LAMC2: variants seen among roughly 807,000 people sequenced by gnomAD.
LAMC2 encodes laminin subunit gamma 2.
In LAMC2, 97 loss-of-function variants were observed where a neutral mutation model predicts 140.2. The observed-to-expected ratio is 0.69, with a 90% CI of 0.59 to 0.82. LAMC2 has a LOEUF of 0.82. Ranked by LOEUF, LAMC2 falls within the 40% of genes least tolerant of loss-of-function variation. LAMC2 has a pLI of 0.00. For missense variants in LAMC2, 1,402 were observed against 1,476.1 expected (o/e 0.95, Z 0.82); for synonymous variants, 513 against 540.2 (o/e 0.95, Z 0.70).
downstream of LAMC2, chr1:183,250,071 G>C (rs992962949): frequency 3.3e-5 from 5 of 152,192 alleles, no homozygotes; most frequent in African/African-American, 9.7e-5. Flanking sequence ...GCCTTCCTCA[G>C]GTCTGCTCAC....
intron 11 of LAMC2, among the ~76,000 whole-genome samples, chr1:183,229,734 G>T (rs1193320309): frequency 1.3e-5 from 2 of 151,590 alleles, no homozygotes; most frequent in African/African-American, 4.9e-5. Flanking sequence ...GGAGCTCACA[G>T]CCTCCCACTC....
intron 1 of LAMC2, among the ~76,000 whole-genome samples, chr1:183,187,306 C>G (rs1658183998): frequency 6.6e-6 from 1 of 152,222 alleles, no homozygotes; most frequent in Non-Finnish European, 1.5e-5. Context: ...CATGCACATG[C>G]AATTGTATAA....
Position 183,228,708 on chromosome 1 carries a change from A to C in LAMC2, c.1714+89A>C, listed in dbSNP as rs1244658456. 3 of 1,544,884 alleles carry C rather than the reference A, an allele frequency of 1.9e-6. No homozygotes were observed. The highest frequency in any genetic ancestry group is 2.7e-6 in the Non-Finnish European group (3 of 1,127,896). ...ATCTAAGCAGGGACAATGGCAGTTC[A>C]TATCATGATGTTACTTTGATTCTCT... On this transcript the variant is annotated intron_variant, in intron 11 of 22. Coordinates refer to ENST00000264144, the MANE Select transcript of LAMC2 (RefSeq NM_005562.3). The surrounding 1 kb of genome is among the most constrained non-coding windows in gnomAD (Gnocchi z 4.3).
intron 1 of LAMC2, among the ~76,000 whole-genome samples, chr1:183,188,188 A>G (rs1343971553): frequency 6.6e-6 from 1 of 152,162 alleles, no homozygotes; most frequent in African/African-American, 2.4e-5. Context: ...AGGCAGACTA[A>G]GGTTTTATTC....
intron 1 of LAMC2, among the ~76,000 whole-genome samples, chr1:183,206,218 G>A (rs189811730): frequency 2.6e-5 from 4 of 152,302 alleles, no homozygotes; most frequent in Admixed American, 1.3e-4. Flanking sequence ...CTGAGCTGTC[G>A]AATGTAAAGT....
chr1:183,201,397 A>G (rs938127106), intron 1 of LAMC2, among the ~76,000 whole-genome samples: 2 of 152,120 alleles, frequency 1.3e-5, no homozygotes, highest in African/African-American at 4.8e-5. Context: ...GCTCTAGAAT[A>G]TACTGAGCTT....
the LAMC2 span, among the ~76,000 whole-genome samples, chr1:183,258,917 C>T: frequency 7.2e-5 from 11 of 152,278 alleles, no homozygotes; most frequent in South Asian, 1.2e-3. Flanking sequence ...ACTCTGCTCC[C>T]GAAATGCTCA....
In LAMC2 at chr1:183,243,437, A is replaced by G. The variant is rs760937395; in HGVS notation, c.*37A>G. On this transcript the variant is annotated 3_prime_UTR_variant, in exon 23 of 23. Transcript: ENST00000264144. Reference sequence around the variant, plus strand: ...ATATTTCTCAACTGAGGTTCTTGGGATACAGATCTCAGGGCTCGGGAGCCA... The same window carrying G: ...ATATTTCTCAACTGAGGTTCTTGGGGTACAGATCTCAGGGCTCGGGAGCCA... The G allele has an allele frequency of 3.7e-6, 6 of 1,613,890 alleles. No individual in the cohort carries two copies. In the African/African-American group the frequency reaches 8.0e-5, roughly 22 times the overall value.
Position 183,226,921 on chromosome 1 carries a change from G to A in LAMC2, c.1285+5G>A. The A allele has an allele frequency of 1.2e-6, 2 of 1,609,842 alleles. No individual in the cohort carries two copies. Among genetic ancestry groups the A allele is most frequent in the Non-Finnish European group, 1.7e-6 (2 of 1,176,446 alleles). The stretch of plus-strand genomic sequence containing the variant: ...GGGCCTGTGATCCAGACACAGGTGA[G>A]TGAAATGACACCTGGACCAGGTGGC... On this transcript the variant is annotated splice_donor_5th_base_variant and intron_variant, in intron 9 of 22. Coordinates refer to ENST00000264144, the MANE Select transcript of LAMC2 (RefSeq NM_005562.3).
the LAMC2 span, among the ~76,000 whole-genome samples, chr1:183,257,719 A>T: frequency 6.6e-6 from 1 of 151,740 alleles, no homozygotes; most frequent in Non-Finnish European, 1.5e-5. Flanking sequence ...TATAATGTCT[A>T]CACTTTCATT....
At position 183,244,262 on chromosome 1, in the gene LAMC2, C is replaced by T. The variant is rs1660196931; in HGVS notation, c.*862C>T. ...CTAATTCAATCCTACTTTTCGAACA[C>T]CAAAAATGATGCGCATCAATGTATT... On this transcript the variant is annotated 3_prime_UTR_variant, in exon 23 of 23. Transcript: ENST00000264144. 6.6e-6 allele frequency: 1 copy of T among 152,124 alleles called. No individual in the cohort carries two copies. Among genetic ancestry groups the T allele is most frequent in the South Asian group, 2.1e-4 (1 of 4,818 alleles). The allele number at this position is 152,124 out of a possible 1,614,324, so 9.4% of individuals were successfully genotyped here. A position where few individuals can be genotyped will look rare whatever the true frequency, so the allele number is the denominator to read the frequency against.
In LAMC2 at chr1:183,231,156, T is replaced by G. The variant is rs765380261; in HGVS notation, c.1857+53T>G. 2.5e-6 allele frequency: 4 copies of G among 1,606,058 alleles called. No individual in the cohort carries two copies. In the East Asian group the frequency reaches 8.9e-5, roughly 36 times the overall value. ...AACCCCACAGAATCAAATCCTTAAG[T>G]GTCCACTGGGTGGTTCTGTCACAGA... On this transcript the variant is annotated intron_variant, in intron 12 of 22. Coordinates refer to ENST00000264144, the MANE Select transcript of LAMC2 (RefSeq NM_005562.3).
At chr1:183,218,542 C>A in intron 4 of LAMC2, 54 bp downstream of exon 4, 3 of 1,274,798 alleles carry the variant, frequency 2.4e-6, no homozygotes, top group South Asian at 2.5e-5. Context: ...TGCCAACTAG[C>A]ATGAGAATTA....
chr1:183,197,499 AC>A (rs1250121379), intron 1 of LAMC2, among the ~76,000 whole-genome samples: 2 of 152,186 alleles, frequency 1.3e-5, no homozygotes, highest in East Asian at 3.9e-4. Context: ...ACAAGGTGAA[AC>A]CCTGTCTCTA....
At chr1:183,218,579 G>T (rs1234650664) in intron 4 of LAMC2, 91 bp downstream of exon 4, 2 of 1,011,372 alleles carry the variant, frequency 2.0e-6, no homozygotes, top group African/African-American at 3.2e-5. Flanking sequence ...TATGGAAAAG[G>T]GATACTTGAC....
At position 183,243,423 on chromosome 1, in the gene LAMC2, C is replaced by T. The variant is rs761535761; in HGVS notation, c.*23C>T. The T allele has an allele frequency of 6.2e-7, 1 of 1,614,072 alleles. No individual in the cohort carries two copies. The highest frequency in any genetic ancestry group is 8.5e-7 in the Non-Finnish European group (1 of 1,180,026). ...TGAAGCTGCCATAAATATTTCTCAA[C>T]TGAGGTTCTTGGGATACAGATCTCA... On this transcript the variant is annotated 3_prime_UTR_variant, in exon 23 of 23. Transcript: ENST00000264144.
At chr1:183,223,891 A>T (rs1292828999) in intron 7 of LAMC2, among the ~76,000 whole-genome samples, 2 of 152,084 alleles carry the variant, frequency 1.3e-5, no homozygotes, top group Non-Finnish European at 2.9e-5. Flanking sequence ...TATCCTGCAG[A>T]ATAGGGATTC....
chr1:183,230,834 G>A (rs187150055), intron 11 of LAMC2, 127 bp from the exon 12 acceptor site: 1 of 1,054,826 alleles, frequency 9.5e-7, no homozygotes, highest in South Asian at 1.3e-5. Flanking sequence ...TCTGTATTAA[G>A]AAGGTGCATG....
intron 15 of LAMC2, 103 bp downstream of exon 15, chr1:183,234,549 TC>T: frequency 1.1e-6 from 1 of 937,346 alleles, no homozygotes; most frequent in Non-Finnish European, 1.7e-6. Flanking sequence ...ATTTATTCTC[TC>T]CAGGCTCCTT....
Sources: gnomAD v4.1 joint callset for allele counts (sites outside exome capture counted in the v4.1 genomes callset) on GRCh38, gnomAD v4.1.1 for gene constraint, Gnocchi (gnomAD v3.1) non-coding constraint, MANE v1.5 for transcripts, NCBI Gene and HGNC (gene_info 2026-07-23, HGNC 2026-07-21) for gene names.